Variants in BPIFB3 observed in about 807,000 individuals in gnomAD.
The protein encoded by BPIFB3 is BPI fold-containing family B member 3.
A neutral mutation model predicts 53.1 loss-of-function variants in BPIFB3; 49 were observed. The ratio of observed to expected loss-of-function variants is 0.92; its 90% confidence interval spans 0.73 to 1.17. The LOEUF is 1.17. Ranked by LOEUF, BPIFB3 falls within the 50% of genes most tolerant of loss-of-function variation. The pLI is 0.00. For synonymous variants in BPIFB3, 271 were observed against 269.6 expected (o/e 1.01, Z -0.05); for missense variants, 628 against 592.5 (o/e 1.06, Z -0.62).
chr20:33,063,548 A>G, intron 5 of BPIFB3, 67 bp from the exon 7 acceptor site: 1 of 1,553,236 alleles, frequency 6.4e-7, no homozygotes. Context: ...CAAAGCATTT[A>G]AAGAACATGC....
At chr20:33,073,599 A>G (rs781044228) in exon 15 of BPIFB3, 67 of 1,613,954 alleles carry the variant, frequency 4.2e-5, no homozygotes, top group Non-Finnish European at 5.4e-5. Flanking sequence ...TGACCGTGGC[A>G]TCCTGAGGCT....
exon 8 of BPIFB3, chr20:33,064,824 C>A (rs1320535822): frequency 6.2e-7 from 1 of 1,613,112 alleles, no homozygotes; most frequent in African/African-American, 1.3e-5. Flanking sequence ...GCGCCCTCGA[C>A]ATGGACATCA....
At chr20:33,067,866 G>T (rs1980730780) in intron 9 of BPIFB3, among the ~76,000 whole-genome samples, 1 of 152,226 alleles carries the variant, frequency 6.6e-6, no homozygotes, top group Non-Finnish European at 1.5e-5. Context: ...GGTGGAATCA[G>T]GTGATTCCTG....
intron 9 of BPIFB3, among the ~76,000 whole-genome samples, chr20:33,068,572 G>A (rs1216443302): frequency 1.3e-5 from 2 of 152,184 alleles, no homozygotes; most frequent in Admixed American, 6.5e-5. Flanking sequence ...CCTCGGGGAG[G>A]ATTCTGACTC....
chr20:33,068,002 C>T (rs1441151962), intron 9 of BPIFB3, among the ~76,000 whole-genome samples: 2 of 152,184 alleles, frequency 1.3e-5, no homozygotes, highest in Admixed American at 6.5e-5. Flanking sequence ...AGTCTCATGA[C>T]GTTGCAATTA....
At chr20:33,061,823 C>A (rs769882014) in exon 5 of BPIFB3, 1 of 1,614,202 alleles carries the variant, frequency 6.2e-7, no homozygotes, top group Non-Finnish European at 8.5e-7. Context: ...CAAGGTGCTT[C>A]CGGGACTGGT....
exon 3 of BPIFB3, chr20:33,059,409 G>C (rs1353262833): frequency 1.2e-6 from 2 of 1,612,894 alleles, no homozygotes; most frequent in Admixed American, 1.7e-5. Context: ...GCTGCCAAAG[G>C]TGTTGCTGAA....
At chr20:33,061,948 C>A in intron 5 of BPIFB3, 117 bp downstream of exon 6, 1 of 1,220,472 alleles carries the variant, frequency 8.2e-7, no homozygotes, top group Non-Finnish European at 1.2e-6. Flanking sequence ...CCTTCCACAC[C>A]CACCTGGTAA....
At chr20:33,057,713 G>C (rs1980280299) in intron 2 of BPIFB3, among the ~76,000 whole-genome samples, 1 of 151,668 alleles carries the variant, frequency 6.6e-6, no homozygotes, top group Admixed American at 6.6e-5. Flanking sequence ...GAACACTGCA[G>C]TTAGGGTCTG....
intron 12 of BPIFB3, among the ~76,000 whole-genome samples, chr20:33,071,683 T>C (rs971098246): frequency 2.0e-5 from 3 of 152,146 alleles, no homozygotes; most frequent in Non-Finnish European, 4.4e-5. Flanking sequence ...TCCTGCTTCT[T>C]ACAGAGTTCT....
intron 4 of BPIFB3, among the ~76,000 whole-genome samples, chr20:33,060,700 G>T (rs1256587561): frequency 1.3e-5 from 2 of 152,048 alleles, no homozygotes; most frequent in Non-Finnish European, 2.9e-5. Context: ...CTCCCAAGTA[G>T]CTGGGATTAC....
chr20:33,066,778 G>A (rs1034378761), intron 8 of BPIFB3, 46 bp from the exon 10 acceptor site: 1 of 1,586,962 alleles, frequency 6.3e-7, no homozygotes, highest in Non-Finnish European at 8.7e-7. Context: ...AGGGATTCCT[G>A]TTCTGTCTCT....
rs1236772952 is a variant in BPIFB3 at position 33,072,122 on chromosome 20, T to C, written c.1279T>C (p.Trp427Arg). ...GTTGCAGGGATCGCGTTTAGAAGAATGGCTCAGCCATGTGGTCGGGGCAGT... is the reference window on the plus strand; with the variant it reads ...GTTGCAGGGATCGCGTTTAGAAGAACGGCTCAGCCATGTGGTCGGGGCAGT... Residue 427 changes from tryptophan to arginine, a missense_variant, in exon 13 of 15, where the codon TGG becomes CGG. By Grantham distance (101) the Trp-to-Arg change is moderately radical. Transcript: ENST00000375494. 9.9e-6 allele frequency: 16 copies of C among 1,614,094 alleles called. No homozygotes were observed. In the Admixed American group the frequency reaches 1.3e-4, roughly 13 times the overall value.
rs1980959079 is a variant in BPIFB3 at position 33,072,744 on chromosome 20, CTAAGG to C, written c.1354_1358del (p.Lys452SerfsTer2). 6.2e-7 allele frequency: 1 copy of C among 1,613,634 alleles called. No individual in the cohort carries two copies. The highest frequency in any genetic ancestry group is 1.3e-5 in the African/African-American group (1 of 74,878). ...GCCCTGGATGTTGGAATTCCCCTGCCTAAGGTTCTTAATATCAATTTTTCCAATTC... is the reference window on the plus strand; with the variant it reads ...GCCCTGGATGTTGGAATTCCCCTGCCTTCTTAATATCAATTTTTCCAATTC... On this transcript the variant is annotated frameshift_variant, in exon 14 of 15. Coordinates refer to ENST00000375494, the Ensembl canonical transcript of BPIFB3. LOFTEE classifies it high-confidence loss of function.
intron 12 of BPIFB3, 68 bp downstream of exon 13, chr20:33,071,363 T>TG: frequency 2.6e-6 from 4 of 1,515,830 alleles, no homozygotes; most frequent in Non-Finnish European, 3.6e-6. Context: ...GGAAAGGGGG[T>TG]GGCCATGAGT....
chr20:33,056,593 C>G, exon 2 of BPIFB3: 1 of 1,613,952 alleles, frequency 6.2e-7, no homozygotes, highest in Non-Finnish European at 8.5e-7. Context: ...GTGCTGGGAT[C>G]GGTCACAGCT....
At chr20:33,062,436 G>C (rs1980498704) in intron 5 of BPIFB3, among the ~76,000 whole-genome samples, 1 of 152,174 alleles carries the variant, frequency 6.6e-6, no homozygotes, top group Non-Finnish European at 1.5e-5. Flanking sequence ...GAACGCTGCT[G>C]GGGGCAGCAG....
intron 8 of BPIFB3, 93 bp from the exon 10 acceptor site, chr20:33,066,731 G>A: frequency 8.3e-7 from 1 of 1,203,882 alleles, no homozygotes; most frequent in South Asian, 1.2e-5. Context: ...GCAGGGTAGG[G>A]GGAAGAGTGG....
intron 2 of BPIFB3, among the ~76,000 whole-genome samples, chr20:33,058,670 C>G (rs537025076): frequency 6.6e-6 from 1 of 152,060 alleles, no homozygotes; most frequent in South Asian, 2.1e-4. Context: ...ATTGTTCGTG[C>G]CTTGAAGAGC....
Sources: gnomAD v4.1 joint callset for allele counts (sites outside exome capture counted in the v4.1 genomes callset) on GRCh38, gnomAD v4.1.1 for gene constraint, MANE v1.5 for transcripts, NCBI Gene and HGNC (gene_info 2026-07-23, HGNC 2026-07-21) for gene names.